Variants in INCENP observed in about 807,000 individuals in gnomAD.
The protein encoded by INCENP is binds and activates aurora-B and -C in vivo and in vitro.
In INCENP, 43 loss-of-function variants were observed where a neutral mutation model predicts 107.3. That is an observed-to-expected ratio of 0.40 (90% confidence interval 0.31 to 0.52). The LOEUF is 0.52. INCENP is among the 20% of genes least tolerant of loss of function. INCENP has a pLI of 0.53. For synonymous variants in INCENP, 488 were observed against 494.4 expected (o/e 0.99, Z 0.17); for missense variants, 1,089 against 1,250.9 (o/e 0.87, Z 1.95).
chr11:62,126,216 GAT>G (rs1943746272), intron 1 of INCENP, among the ~76,000 whole-genome samples: 1 of 79,734 alleles, frequency 1.3e-5, no homozygotes, highest in Admixed American at 1.1e-4. Context: ...TTTTTTTTGA[GAT>G]AGAGTCTCCC....
intron 4 of INCENP, among the ~76,000 whole-genome samples, chr11:62,132,284 G>A (rs559507572): frequency 2.6e-5 from 4 of 152,366 alleles, no homozygotes; most frequent in East Asian, 1.9e-4. Flanking sequence ...GGGCTTGAGC[G>A]CTGTGTGTTT....
chr11:62,133,004 C>T (rs191035540), intron 4 of INCENP, among the ~76,000 whole-genome samples: 1 of 152,276 alleles, frequency 6.6e-6, no homozygotes, highest in African/African-American at 2.4e-5. Context: ...TGAGAAAACT[C>T]ACCAATGGCT....
rs146595346 is a variant in INCENP, at chr11:62,129,832, G to A, written c.305G>A (p.Arg102His). 47 of 1,611,936 alleles carry A rather than the reference G, an allele frequency of 2.9e-5. No homozygotes were observed. The African/African-American group carries it at 3.1e-4, about 11-fold the overall frequency. ...AGCCAGCTGAGCTCCCGACGCCTCC[G>A]CAGCAAGGACAGTGTAGAGAAGCTG... is the stretch of plus-strand genomic sequence containing the variant. ...RSSQLSSRRL[R>H]SKDSVEKLAT... The change falls in exon 4 of 19, where the codon CGC becomes CAC. Residue 102 changes from arginine to histidine, a missense_variant. Coordinates refer to ENST00000394818, the MANE Select transcript of INCENP (RefSeq NM_001040694.2).
At chr11:62,130,742 T>G in intron 4 of INCENP, 152 bp downstream of exon 4, 1 of 677,446 alleles carries the variant, frequency 1.5e-6, no homozygotes, top group Non-Finnish European at 2.5e-6. Context: ...TGGTGGCCGC[T>G]AGCTGGCCTC....
chr11:62,136,002 G>T (rs941084771), intron 4 of INCENP, among the ~76,000 whole-genome samples: 11 of 151,740 alleles, frequency 7.2e-5, no homozygotes, highest in Admixed American at 4.6e-4. Context: ...CTAGAGACGG[G>T]GTTTCACCGT....
intron 17 of INCENP, among the ~76,000 whole-genome samples, chr11:62,149,283 A>G (rs1179593883): frequency 6.6e-6 from 1 of 151,970 alleles, no homozygotes; most frequent in Non-Finnish European, 1.5e-5. Context: ...TTAGTATATT[A>G]TAGACATCTG....
rs553125644 is a variant in INCENP, at chr11:62,127,068, G to A, written c.-11-1083G>A. 8.2e-5 allele frequency among the ~76,000 whole-genome samples: 12 copies of A among 146,262 alleles called. 1 individual carries two copies. The South Asian group carries it at 2.3e-3, about 29-fold the overall frequency. On this transcript the variant is annotated intron_variant, in intron 1 of 18. Coordinates refer to ENST00000394818, the MANE Select transcript of INCENP (RefSeq NM_001040694.2). ...GTTTTTTTTTTTTTGAGACAGTCTC[G>A]CTGCGATGCCCAGGCTGGGGTGCAA...
intron 11 of INCENP, among the ~76,000 whole-genome samples, chr11:62,142,997 CTG>C (rs1256169670): frequency 1.3e-5 from 2 of 152,180 alleles, no homozygotes; most frequent in Non-Finnish European, 2.9e-5. Context: ...GCTTCTACGA[CTG>C]TGTCCAGGGC....
In INCENP at chr11:62,140,288, T is replaced by C; in HGVS notation, c.1343+3T>C. The stretch of plus-strand genomic sequence containing the variant: ...AGAGAGCCACCGCAGAGTGCCAGGT[T>C]TGCATCCGGGAAGGGGTGTGTAGGT... On this transcript the variant is annotated splice_donor_region_variant and intron_variant, in intron 8 of 18. Coordinates refer to ENST00000394818, the MANE Select transcript of INCENP (RefSeq NM_001040694.2). 6.2e-7 allele frequency: 1 copy of C among 1,613,220 alleles called. No homozygotes were observed. The highest frequency in any genetic ancestry group is 1.1e-5 in the South Asian group (1 of 91,058).
In INCENP at chr11:62,130,158, A is replaced by G. The variant is rs199974792; in HGVS notation, c.631A>G (p.Ile211Val). The change falls in exon 4 of 19, where the codon ATC becomes GTC. Residue 211 changes from isoleucine (I) to valine (V), a missense_variant. Ile to Val is a conservative substitution (Grantham distance 29). Coordinates refer to ENST00000394818, the MANE Select transcript of INCENP (RefSeq NM_001040694.2). Reference protein sequence around the residue: ...ASATAPTSQGIPTSDEESTPK... With the variant: ...ASATAPTSQGVPTSDEESTPK... ...AGCCACAGCTCCAACCTCCCAGGGC[A>G]TCCCGACATCAGATGAGGAATCAAC... 9.2e-5 allele frequency: 148 copies of G among 1,613,956 alleles called. 1 individual carries two copies. In the Admixed American group the frequency reaches 2.4e-3, roughly 26 times the overall value.
At chr11:62,127,487 C>G (rs968130706) in intron 1 of INCENP, among the ~76,000 whole-genome samples, 4 of 152,350 alleles carry the variant, frequency 2.6e-5, no homozygotes, top group African/African-American at 9.6e-5. Context: ...TATTTATGCT[C>G]CATTTGGAGG....
intron 11 of INCENP, among the ~76,000 whole-genome samples, chr11:62,142,735 G>T (rs1194235788): frequency 6.6e-6 from 1 of 152,246 alleles, no homozygotes; most frequent in Non-Finnish European, 1.5e-5. Context: ...TTTGAAGATG[G>T]CAGTGCTGTT....
chr11:62,135,189 A>C (rs1244626528), intron 4 of INCENP, among the ~76,000 whole-genome samples: 1 of 152,184 alleles, frequency 6.6e-6, no homozygotes. Context: ...GTAGTTCTTA[A>C]AGGTTTGTTG....
intron 15 of INCENP, 127 bp from the exon 16 acceptor site, chr11:62,148,349 C>A: frequency 1.2e-6 from 1 of 822,916 alleles, no homozygotes; most frequent in Non-Finnish European, 1.9e-6. Flanking sequence ...AGCTGGTTGC[C>A]CATTCAGCAA....
intron 16 of INCENP, 86 bp downstream of exon 16, chr11:62,148,640 G>T (rs1232477799): frequency 2.0e-6 from 3 of 1,469,976 alleles, no homozygotes; most frequent in Non-Finnish European, 2.8e-6. Context: ...GCTGCCTAGG[G>T]AGGGGAGGGA....
intron 1 of INCENP, among the ~76,000 whole-genome samples, chr11:62,127,793 C>G (rs777401813): frequency 6.6e-6 from 1 of 151,838 alleles, no homozygotes; most frequent in Non-Finnish European, 1.5e-5. Context: ...GCCAGGAAGA[C>G]AGATGGCAGT....
intron 11 of INCENP, among the ~76,000 whole-genome samples, chr11:62,144,395 G>A (rs1342688775): frequency 2.0e-5 from 3 of 150,984 alleles, no homozygotes; most frequent in Non-Finnish European, 2.9e-5. Context: ...GAAAATAAAA[G>A]AAAATTAATA....
chr11:62,137,125 G>A (rs1326453883), intron 4 of INCENP, among the ~76,000 whole-genome samples: 10 of 152,044 alleles, frequency 6.6e-5, no homozygotes, highest in Admixed American at 3.9e-4. Flanking sequence ...AGGCCGAGGC[G>A]GGTGGATCAC....
Position 62,146,724 on chromosome 11 carries a change from C to T in INCENP, c.2026C>T (p.Arg676Trp), listed in dbSNP as rs1179472168. The change falls in exon 15 of 19, where the codon CGG (arginine) becomes TGG (tryptophan). Residue 676 changes from arginine to tryptophan, a missense_variant. Arg to Trp is a moderately radical substitution (Grantham distance 101). Transcript: ENST00000394818. ...KKKEEEQERL[R>W]KAAEAKRLAE... is the part of the protein sequence containing the mutation. ...GAAGGAAGAGGAGCAGGAGCGGCTG[C>T]GGAAGGCGGCCGAGGCTAAGCGGCT... The T allele has an allele frequency of 6.5e-6, 10 of 1,549,896 alleles. No homozygotes were observed. The highest frequency in any genetic ancestry group is 2.0e-5 in the Admixed American group (1 of 50,900).
Sources: allele counts gnomAD v4.1 joint callset (sites outside exome capture counted in the v4.1 genomes callset), GRCh38; gene constraint gnomAD v4.1.1; transcripts MANE v1.5; gene names NCBI Gene and HGNC (gene_info 2026-07-23, HGNC 2026-07-21).